TMEM255A: variants seen among roughly 807,000 people sequenced by gnomAD.
TMEM255A encodes transmembrane protein 255A.
Under a neutral mutation model 23.5 loss-of-function variants are expected in TMEM255A, and 14 were observed. The observed-to-expected ratio is 0.60, with a 90% CI of 0.39 to 0.93. TMEM255A has a LOEUF of 0.93. TMEM255A is among the 40% of genes least tolerant of loss of function. The pLI is 0.00. For missense variants in TMEM255A, 233 were observed against 261.7 expected (o/e 0.89, Z 0.76); for synonymous variants, 104 against 100.3 (o/e 1.04, Z -0.22).
chrX:120,253,723 A>T, downstream of TMEM255A: 1 of 1,211,635 alleles, frequency 8.3e-7, no homozygotes, highest in Non-Finnish European at 1.1e-6. Flanking sequence ...GAGTTAATTA[A>T]ATCAGGGCAG....
At chrX:120,278,246 T>G (rs1556020239) in intron 6 of TMEM255A, among the ~76,000 whole-genome samples, 1 of 109,403 alleles carries the variant, frequency 9.1e-6, no homozygotes, top group African/African-American at 3.3e-5. Flanking sequence ...TCACCAGAGC[T>G]CGACCATGTT....
chrX:120,310,084 C>T (rs1170755731), intron 1 of TMEM255A: 2 of 110,846 alleles, frequency 1.8e-5, no homozygotes, highest in African/African-American at 6.6e-5. Flanking sequence ...TCGAGATGTT[C>T]CCGCAAATTC....
intron 3 of TMEM255A, among the ~76,000 whole-genome samples, chrX:120,292,652 C>T (rs1203054872): frequency 1.8e-5 from 2 of 109,613 alleles, no homozygotes; most frequent in East Asian, 2.9e-4. Context: ...CCCAGCTACT[C>T]GGGAGGCTGA....
rs2057672258 is a variant in TMEM255A, at chrX:120,260,697, C to T, written c.*173G>A. 4 of 615,706 alleles carry T rather than the reference C, an allele frequency of 6.5e-6. No individual in the cohort carries two copies. In the East Asian group the frequency reaches 1.6e-4, roughly 25 times the overall value. 50.7% of individuals were successfully genotyped at this position (615,706 alleles called of 1,213,427 possible). On this transcript the variant is annotated 3_prime_UTR_variant, in exon 9 of 9. Transcript: ENST00000371369. ...TCTGTGCTGCGTTCAGCCTGACCAC[C>T]CCTGCTCTGCACTAATAATGAATAA...
rs2058040451 is a variant in TMEM255A at position 120,302,627 on chromosome X, CCAAA to C, written c.201+1718_201+1721del. 3.6e-5 allele frequency among the ~76,000 whole-genome samples: 4 copies of C among 110,621 alleles called. No homozygotes were observed. In the South Asian group the frequency reaches 1.6e-3, roughly 43 times the overall value. ...CACATCACATGTTTAACACAGGGCA[CCAAA>C]CAGTGTCTGTGGGTCACCTGCCCTC... On this transcript the variant is annotated intron_variant, in intron 2 of 8. Transcript: ENST00000371369.
the TMEM255A span, among the ~76,000 whole-genome samples, chrX:120,252,305 AATATCCATATATTAAAAT>A: frequency 5.4e-5 from 6 of 110,978 alleles, no homozygotes; most frequent in East Asian, 1.7e-3. Flanking sequence ...GTTAATATAT[AATATCCATATATTAAAAT>A]ATATCCATAT....
intron 1 of TMEM255A, among the ~76,000 whole-genome samples, chrX:120,304,874 T>G (rs1031696367): frequency 1.3e-4 from 14 of 111,483 alleles, no homozygotes; most frequent in African/African-American, 4.6e-4. Context: ...GGAGGGGGTA[T>G]TAAATGAAAA....
Position 120,268,268 on chromosome X carries a change from T to C in TMEM255A, c.795A>G (p.Pro265=). 3 of 1,209,446 alleles carry C rather than the reference T, an allele frequency of 2.5e-6. No individual in the cohort carries two copies. Among genetic ancestry groups the C allele is most frequent in the Non-Finnish European group, 3.4e-6 (3 of 894,413 alleles). ...NTYYHSPPHL[P]PYSAYDFQHS... Reference sequence around the variant, plus strand: ...CCTGAAAGTCATAAGCAGAATATGGTGGCAGGTGAGGAGGGCTATGGTAGT... The same window carrying C: ...CCTGAAAGTCATAAGCAGAATATGGCGGCAGGTGAGGAGGGCTATGGTAGT... Residue 265 remains proline, a synonymous_variant, in exon 8 of 9, where the codon CCA becomes CCG. Transcript: ENST00000371369.
intron 6 of TMEM255A, among the ~76,000 whole-genome samples, chrX:120,279,414 G>A (rs1417196737): frequency 4.5e-5 from 5 of 112,332 alleles, no homozygotes; most frequent in Non-Finnish European, 9.4e-5. Context: ...CTGGGGACAG[G>A]GCAGGGAGGA....
chrX:120,263,135 G>A (rs1035782244), intron 8 of TMEM255A, among the ~76,000 whole-genome samples: 23 of 111,603 alleles, frequency 2.1e-4, no homozygotes, highest in Non-Finnish European at 3.8e-4. Flanking sequence ...GGGGTTTAGC[G>A]GGGGAAAAGG....
At chrX:120,264,482 G>A (rs1034748900) in intron 8 of TMEM255A, among the ~76,000 whole-genome samples, 2 of 111,057 alleles carry the variant, frequency 1.8e-5, no homozygotes, top group African/African-American at 6.6e-5. Context: ...GCTCATGTCT[G>A]ACCACAAGAA....
At chrX:120,255,101 T>A, downstream of TMEM255A, 2 of 1,211,618 alleles carry the variant, frequency 1.7e-6, no homozygotes, top group Non-Finnish European at 1.1e-6. Context: ...TCATCAACTA[T>A]CAGTTTATGT....
At chrX:120,309,965 A>C (rs2058088763) in intron 1 of TMEM255A, 1 of 111,406 alleles carries the variant, frequency 9.0e-6, no homozygotes, top group Admixed American at 9.5e-5. Flanking sequence ...CATCCAGGAG[A>C]TAACACTTTC....
intron 1 of TMEM255A, among the ~76,000 whole-genome samples, chrX:120,306,854 T>G (rs1187838448): frequency 1.8e-5 from 2 of 111,958 alleles, no homozygotes; most frequent in Non-Finnish European, 3.8e-5. Flanking sequence ...AACCACATAG[T>G]GTCATTTGAA....
At chrX:120,297,500 A>G (rs1556025078) in intron 2 of TMEM255A, among the ~76,000 whole-genome samples, 1 of 109,734 alleles carries the variant, frequency 9.1e-6, no homozygotes. Context: ...TGACAGGTTA[A>G]TGAACTCACC....
intron 6 of TMEM255A, among the ~76,000 whole-genome samples, chrX:120,282,389 C>G (rs1368035588): frequency 9.0e-6 from 1 of 111,500 alleles, no homozygotes; most frequent in Non-Finnish European, 1.9e-5. Flanking sequence ...GGGCTGGCTT[C>G]CAGGCACTAG....
intron 6 of TMEM255A, 105 bp from the exon 7 acceptor site, chrX:120,277,152 G>A (rs1569334889): frequency 1.5e-6 from 1 of 656,804 alleles, no homozygotes; most frequent in Non-Finnish European, 2.3e-6. Flanking sequence ...TCAGTGAAAA[G>A]ACAGGTGGGC....
the TMEM255A span, chrX:120,253,288 A>T: frequency 1.4e-6 from 1 of 732,694 alleles, no homozygotes; most frequent in Non-Finnish European, 1.9e-6. Context: ...AAAGCCAAAA[A>T]ATTATGCTGA....
At chrX:120,252,785 T>G in the TMEM255A span, 2 of 111,733 alleles carry the variant, frequency 1.8e-5, no homozygotes, top group Non-Finnish European at 3.8e-5. Context: ...GAAAGATGTT[T>G]AATAGTTTAT....
Sources: gnomAD v4.1 joint callset for allele counts (sites outside exome capture counted in the v4.1 genomes callset) on GRCh38, gnomAD v4.1.1 for gene constraint, MANE v1.5 for transcripts, NCBI Gene and HGNC (gene_info 2026-07-23, HGNC 2026-07-21) for gene names.